The following ERBB3 variants were observed in gnomAD, a reference collection of about 807,000 sequenced individuals.
ERBB3 encodes the protein receptor tyrosine-protein kinase erbB-3.
Under a neutral mutation model 156.7 loss-of-function variants are expected in ERBB3, and 96 were observed. The ratio of observed to expected loss-of-function variants is 0.61; its 90% CI spans 0.52 to 0.73. The LOEUF is 0.73. Among genes scored for constraint, ERBB3 ranks in the 30% least tolerant of loss-of-function variants. The probability of loss-of-function intolerance (pLI) is 0.00; values close to 1 mark genes in which losing one functional copy is unlikely to be tolerated. For synonymous variants in ERBB3, 567 were observed against 632.0 expected, an observed-to-expected ratio of 0.90 and a Z score of 1.54; for missense variants, 1,406 against 1,709.4, an observed-to-expected ratio of 0.82 and a Z score of 3.13.
At chr12:56,097,312 TGA>T in intron 20 of ERBB3, 82 bp downstream of exon 20, 1 of 1,396,436 alleles carries the variant, frequency 7.2e-7, no homozygotes, top group Non-Finnish European at 1.0e-6. Context: ...GTTGAAGTTC[TGA>T]GAGGTGAGGT....
chr12:56,103,467 T>C lies in ERBB3; in HGVS notation c.*1412T>C, dbSNP rs1869195688. On this transcript the variant is annotated 3_prime_UTR_variant, in exon 28 of 28. Coordinates refer to ENST00000267101, the MANE Select transcript of ERBB3 (RefSeq NM_001982.4). ...ATCACTGAAGTTTTTTGTTTTGTTT[T>C]TATACGTGTCTGAATAAAAATGCCA... is the stretch of plus-strand genomic sequence containing the variant. 9.9e-6 allele frequency: 2 copies of C among 201,222 alleles called. No homozygotes were observed. The highest frequency in any genetic ancestry group is 2.0e-5 in the Non-Finnish European group (2 of 97,866). The allele number at this position is 201,222 out of a possible 1,614,324, so 12.5% of individuals were successfully genotyped here. A position where few individuals can be genotyped will look rare whatever the true frequency, so the allele number is the denominator to read the frequency against.
At chr12:56,082,995 G>A (rs1162559270) in intron 1 of ERBB3, among the ~76,000 whole-genome samples, 2 of 152,054 alleles carry the variant, frequency 1.3e-5, no homozygotes, top group African/African-American at 4.8e-5. Flanking sequence ...AGAGTGAGAA[G>A]GAAACCCTGA....
chr12:56,100,157 T>A lies in ERBB3; in HGVS notation c.3130-17T>A. The A allele has an allele frequency of 1.9e-6, 3 of 1,612,278 alleles. No homozygotes were observed. Among genetic ancestry groups the A allele is most frequent in the Non-Finnish European group, 2.5e-6 (3 of 1,178,286 alleles). On this transcript the variant is annotated splice_polypyrimidine_tract_variant and intron_variant, in intron 25 of 27. Transcript: ENST00000267101. ...TTCTCCCTTCATCTTAACCTTTTCC[T>A]TATTTTTTCATCCTAGAGCCAGAGC...
intron 1 of ERBB3, among the ~76,000 whole-genome samples, chr12:56,082,532 G>A (rs1365078768): frequency 2.0e-5 from 3 of 152,000 alleles, no homozygotes; most frequent in Non-Finnish European, 4.4e-5. Context: ...GTTATAGGAG[G>A]GATTGGGGCC....
At position 56,096,225 on chromosome 12, in the gene ERBB3, T is replaced by C. The variant is rs963436339; in HGVS notation, c.2056-278T>C. On this transcript the variant is annotated intron_variant, in intron 17 of 27. Transcript: ENST00000267101. ...TAAAAGGTACTCAAGGTGGTAATAG[T>C]ACTACCAACTCTCCCTAGCTGTCCC... 5.5e-6 allele frequency: 3 copies of C among 547,652 alleles called. No homozygotes were observed. In the African/African-American group the frequency reaches 5.7e-5, roughly 10 times the overall value. 33.9% of individuals were successfully genotyped at this position (547,652 alleles called of 1,614,324 possible). A position where few individuals can be genotyped will look rare whatever the true frequency, so the allele number is the denominator to read the frequency against.
At chr12:56,098,042 G>A (rs1868947844) in intron 21 of ERBB3, 102 bp downstream of exon 21, 1 of 1,174,508 alleles carries the variant, frequency 8.5e-7, no homozygotes, top group Non-Finnish European at 1.2e-6. Context: ...TTCATGGTAA[G>A]TTCAAGGAGA....
Position 56,099,911 on chromosome 12 carries a change from A to G in ERBB3, c.3011A>G (p.Glu1004Gly). ...GLTNKKLEEV[E>G]LEPELDLDLD... ...ACAAACAAGAAGCTAGAGGAAGTAG[A>G]GCTGGAGCCAGAACTAGACCTAGAC... The change falls in exon 25 of 28, where the codon GAG becomes GGG. Residue 1004 changes from glutamate to glycine, a missense_variant. Around this residue, in one of 3 missense-constraint regions of ERBB3, gnomAD observed 415 missense variants for 454.1 expected, o/e 0.91. Coordinates refer to ENST00000267101, the MANE Select transcript of ERBB3 (RefSeq NM_001982.4). The G allele has an allele frequency of 6.2e-7, 1 of 1,614,246 alleles. No homozygotes were observed. Among genetic ancestry groups the G allele is most frequent in the Non-Finnish European group, 8.5e-7 (1 of 1,180,040 alleles).
rs1334104068 is a variant in ERBB3, at chr12:56,088,176, G to A, written c.874+14G>A. 1 of 1,613,700 alleles carries A rather than the reference G, an allele frequency of 6.2e-7. No homozygotes were observed. Among genetic ancestry groups the A allele is most frequent in the Non-Finnish European group, 8.5e-7 (1 of 1,179,792 alleles). The stretch of plus-strand genomic sequence containing the variant: ...CCAGCTGTCCCCGTAAGTGTCTGAG[G>A]GGAAGGAACAATGATCAACAATAGT... On this transcript the variant is annotated intron_variant, in intron 7 of 27. Transcript: ENST00000267101.
chr12:56,099,620 G>A, intron 23 of ERBB3, 28 bp from the exon 24 acceptor site: 2 of 1,590,552 alleles, frequency 1.3e-6, no homozygotes, highest in Non-Finnish European at 1.7e-6. Flanking sequence ...TCTCTTTTAT[G>A]TCTCTACCTC....
chr12:56,096,559 C>T lies in ERBB3; in HGVS notation c.2112C>T (p.Phe704=). 6.2e-7 allele frequency: 1 copy of T among 1,614,150 alleles called. No individual in the cohort carries two copies. Among genetic ancestry groups the T allele is most frequent in the Non-Finnish European group, 8.5e-7 (1 of 1,180,022 alleles). The change falls in exon 18 of 28, where the codon TTC becomes TTT. Residue 704 remains phenylalanine (F), a synonymous_variant. Coordinates refer to ENST00000267101, the MANE Select transcript of ERBB3 (RefSeq NM_001982.4). The stretch of plus-strand genomic sequence containing the variant: ...CTAACAAAGTCTTGGCCAGAATCTT[C>T]AAAGAGACAGAGCTAAGGAAGCTTA... ...EKANKVLARI[F]KETELRKLKV...
Position 56,087,851 on chromosome 12 carries a change from A to T in ERBB3, c.670A>T (p.Asn224Tyr), listed in dbSNP as rs549747369. The change falls in exon 6 of 28, where the codon AAC becomes TAC. Residue 224 changes from asparagine (N) to tyrosine (Y), a missense_variant. By Grantham distance (143) the Asn-to-Tyr change is moderately radical. Around this residue, in one of 3 missense-constraint regions of ERBB3, gnomAD observed 979 missense variants for 1,219.6 expected, o/e 0.80. Coordinates refer to ENST00000267101, the MANE Select transcript of ERBB3 (RefSeq NM_001982.4). ...TGGTCACTGCTTTGGGCCCAACCCCAACCAGTGCTGCCATGATGAGTGTGC... is the reference window on the plus strand; with the variant it reads ...TGGTCACTGCTTTGGGCCCAACCCCTACCAGTGCTGCCATGATGAGTGTGC... ...CNGHCFGPNP[N>Y]QCCHDECAGG... is the part of the protein sequence containing the mutation. 20 of 1,614,150 alleles carry T rather than the reference A, an allele frequency of 1.2e-5. 1 individual carries two copies. The South Asian group carries it at 2.2e-4, about 18-fold the overall frequency.
At position 56,090,699 on chromosome 12, in the gene ERBB3, T is replaced by C. The variant is rs1022643498; in HGVS notation, c.1109+1831T>C. Reference sequence around the variant, plus strand: ...ACTTCTCTCTCTCTCTGTCTCTCTCTACACACACACACACACACACAAAAC... The same window carrying C: ...ACTTCTCTCTCTCTCTGTCTCTCTCCACACACACACACACACACACAAAAC... On this transcript the variant is annotated intron_variant, in intron 9 of 27. Transcript: ENST00000267101. Among the ~76,000 whole-genome samples, 5 of 149,728 alleles carry C rather than the reference T, an allele frequency of 3.3e-5. No individual in the cohort carries two copies. In the South Asian group the frequency reaches 8.5e-4, roughly 25 times the overall value.
intron 26 of ERBB3, among the ~76,000 whole-genome samples, chr12:56,100,814 C>T (rs926182739): frequency 4.0e-5 from 6 of 151,512 alleles, no homozygotes; most frequent in Admixed American, 6.6e-5. Flanking sequence ...ATGGCAGGTG[C>T]CTGTAATCCC....
At chr12:56,098,105 G>GCCAGATATTTTAGTTCAGAGGGCA (rs1468975941) in intron 21 of ERBB3, 165 bp downstream of exon 21, 1 of 708,514 alleles carries the variant, frequency 1.4e-6, no homozygotes, top group African/African-American at 1.8e-5. Flanking sequence ...ATAAAATAAT[G>GCCAGATATTTTAGTTCAGAGGGCA]ATCAAGAACT....
chr12:56,082,178 A>G (rs941814241), intron 1 of ERBB3, among the ~76,000 whole-genome samples: 2 of 152,148 alleles, frequency 1.3e-5, no homozygotes. Context: ...AAACCCAACT[A>G]TAGATTCCTG....
intron 8 of ERBB3, 22 bp downstream of exon 8, chr12:56,088,678 G>T: frequency 6.2e-7 from 1 of 1,614,114 alleles, no homozygotes; most frequent in Non-Finnish European, 8.5e-7. Flanking sequence ...ATGGTAAGAA[G>T]TTGTAAAGAG....
chr12:56,100,458 A>G (rs1350081778), intron 26 of ERBB3, among the ~76,000 whole-genome samples: 1 of 152,072 alleles, frequency 6.6e-6, no homozygotes, highest in East Asian at 1.9e-4. Flanking sequence ...CCTGGCCAAC[A>G]TGGTGAAACC....
rs1664189890 is a variant in ERBB3 at position 56,093,465 on chromosome 12, C to A, written c.1395C>A (p.His465Gln). The change falls in exon 12 of 28, where the codon CAC (histidine) becomes CAA (glutamine). Residue 465 changes from histidine (H) to glutamine (Q), a missense_variant. Coordinates refer to ENST00000267101, the MANE Select transcript of ERBB3 (RefSeq NM_001982.4). ...YISANRQLCY[H>Q]HSLNWTKVLR... ...GTGCCAATAGGCAGCTCTGCTACCA[C>A]CACTCTTTGAACTGGACCAAGGTGC... 2 of 1,614,038 alleles carry A rather than the reference C, an allele frequency of 1.2e-6. No individual in the cohort carries two copies. Among genetic ancestry groups the A allele is most frequent in the Non-Finnish European group, 1.7e-6 (2 of 1,180,006 alleles).
intron 8 of ERBB3, 40 bp from the exon 9 acceptor site, chr12:56,088,708 T>G: frequency 6.2e-7 from 1 of 1,614,132 alleles, no homozygotes; most frequent in Non-Finnish European, 8.5e-7. Context: ...CCTCTGAGCC[T>G]GCGCAGACCA....
Sources: gnomAD v4.1 joint callset for allele counts (sites outside exome capture counted in the v4.1 genomes callset) on GRCh38, gnomAD v4.1.1 for gene constraint, gnomAD v4.1.1 regional missense constraint, MANE v1.5 for transcripts, NCBI Gene and HGNC (gene_info 2026-07-23, HGNC 2026-07-21) for gene names.